ZCWPW2: variants seen among roughly 807,000 people sequenced by gnomAD.
ZCWPW2 encodes the protein zinc finger CW-type and PWWP domain containing 2.
In ZCWPW2, 45 loss-of-function variants were observed where a neutral mutation model predicts 46.6. The observed-to-expected ratio is 0.96, with a 90% CI of 0.76 to 1.24. The LOEUF is 1.24. ZCWPW2 is among the 50% of genes most tolerant of loss of function. The pLI is 0.00. For missense variants in ZCWPW2, 429 were observed against 403.9 expected, an observed-to-expected ratio of 1.06 and a Z score of -0.53; for synonymous variants, 152 against 137.1, an observed-to-expected ratio of 1.11 and a Z score of -0.76.
rs188043026 is a variant in ZCWPW2, at chr3:28,408,591, A to G, written c.-13-4465A>G. Among the ~76,000 whole-genome samples the G allele has an allele frequency of 1.1e-3, 164 of 152,328 alleles. 2 individuals are homozygous for G. The highest frequency in any genetic ancestry group is 1.6e-4 in the Non-Finnish European group (11 of 68,016). On this transcript the variant is annotated intron_variant, in intron 2 of 9. Coordinates refer to ENST00000383768, the MANE Select transcript of ZCWPW2 (RefSeq NM_001040432.4). ...TTGTAAATGAGTAACTGAAAGGCAC[A>G]TTTGTGAAGCCCTCTTAAGTTATGG...
chr3:28,517,327 T>G (rs1431461921), intron 8 of ZCWPW2, among the ~76,000 whole-genome samples: 1 of 152,198 alleles, frequency 6.6e-6, no homozygotes, highest in Non-Finnish European at 1.5e-5. Context: ...AGGTTTTAAT[T>G]GGCTCACAGT....
chr3:28,454,690 T>C (rs558376069), intron 4 of ZCWPW2, among the ~76,000 whole-genome samples: 8 of 152,272 alleles, frequency 5.3e-5, no homozygotes, highest in African/African-American at 1.9e-4. Flanking sequence ...CCCTTGTGTC[T>C]ATTTGGTCTC....
chr3:28,375,920 T>C (rs905235825), intron 1 of ZCWPW2, among the ~76,000 whole-genome samples: 16 of 152,124 alleles, frequency 1.1e-4, no homozygotes, highest in Admixed American at 7.9e-4. Flanking sequence ...GACTTATTTC[T>C]CTTAATAACA....
At chr3:28,377,060 A>G (rs958870512) in intron 1 of ZCWPW2, among the ~76,000 whole-genome samples, 1 of 147,676 alleles carries the variant, frequency 6.8e-6, no homozygotes, top group Non-Finnish European at 1.5e-5. Context: ...TATTGAACTC[A>G]CTGCATGATG....
intron 1 of ZCWPW2, among the ~76,000 whole-genome samples, chr3:28,380,076 G>A (rs558616604): frequency 2.0e-5 from 3 of 151,828 alleles, no homozygotes; most frequent in Non-Finnish European, 4.4e-5. Flanking sequence ...TCCTCCTCCC[G>A]GGTTCACACT....
At position 28,492,162 on chromosome 3, in the gene ZCWPW2, G is replaced by A; in HGVS notation, c.646G>A (p.Val216Ile). The change falls in exon 6 of 10, where the codon GTC becomes ATC. Residue 216 changes from valine (V) to isoleucine (I), a missense_variant. Val to Ile is a conservative substitution (Grantham distance 29). Coordinates refer to ENST00000383768, the MANE Select transcript of ZCWPW2 (RefSeq NM_001040432.4). ...SETHDKVAAL[V>I]KKRKQTSKNN... Reference sequence around the variant, plus strand: ...AACACATGACAAAGTTGCTGCACTGGTCAAGAAAAGGGTAAGATTGTGTTT... The same window carrying A: ...AACACATGACAAAGTTGCTGCACTGATCAAGAAAAGGGTAAGATTGTGTTT... 6.2e-7 allele frequency: 1 copy of A among 1,606,292 alleles called. No individual in the cohort carries two copies. Among genetic ancestry groups the A allele is most frequent in the Non-Finnish European group, 8.5e-7 (1 of 1,176,662 alleles).
At chr3:28,369,481 A>G (rs537109843) in intron 1 of ZCWPW2, among the ~76,000 whole-genome samples, 86 of 152,256 alleles carry the variant, frequency 5.6e-4, no homozygotes, top group African/African-American at 1.9e-3. Flanking sequence ...GATATTGGTG[A>G]ACAGCAAATG....
chr3:28,383,645 T>G (rs1695175352), intron 1 of ZCWPW2, among the ~76,000 whole-genome samples: 1 of 152,072 alleles, frequency 6.6e-6, no homozygotes, highest in African/African-American at 2.4e-5. Context: ...TGGGTGGCCT[T>G]TTTAAGTCAA....
intron 5 of ZCWPW2, among the ~76,000 whole-genome samples, chr3:28,482,267 T>C (rs572928340): frequency 6.6e-6 from 1 of 152,186 alleles, no homozygotes; most frequent in Non-Finnish European, 1.5e-5. Flanking sequence ...CCTTTCAGAT[T>C]GGTTTCTTTC....
chr3:28,370,994 A>C (rs142053403), intron 1 of ZCWPW2, among the ~76,000 whole-genome samples: 3,986 of 152,102 alleles, frequency 0.026, 151 homozygotes, highest in African/African-American at 0.085. Context: ...AGCTTCCCAA[A>C]GTGCTGTGAT....
chr3:28,413,414 A>G lies in ZCWPW2; in HGVS notation c.332+14A>G. The G allele has an allele frequency of 1.3e-6, 2 of 1,581,868 alleles. No individual in the cohort carries two copies. The highest frequency in any genetic ancestry group is 1.7e-6 in the Non-Finnish European group (2 of 1,160,852). ...GAATTGGCCAAGGTAAGGTTTGTGTAGTTTTATGACTTTTGAAATGTAGTC... is the reference window on the plus strand; with the variant it reads ...GAATTGGCCAAGGTAAGGTTTGTGTGGTTTTATGACTTTTGAAATGTAGTC... On this transcript the variant is annotated intron_variant, in intron 3 of 9. Transcript: ENST00000383768.
At chr3:28,490,352 A>G (rs1699764442) in intron 5 of ZCWPW2, among the ~76,000 whole-genome samples, 1 of 152,184 alleles carries the variant, frequency 6.6e-6, no homozygotes, top group African/African-American at 2.4e-5. Flanking sequence ...TCATTCTACC[A>G]TGAAGATACA....
intron 5 of ZCWPW2, among the ~76,000 whole-genome samples, chr3:28,486,727 TA>T (rs1699611964): frequency 6.6e-6 from 1 of 151,894 alleles, no homozygotes; most frequent in Non-Finnish European, 1.5e-5. Context: ...ATTCAAAAAT[TA>T]GCCAGGTATT....
At chr3:28,470,268 G>A (rs972942007) in intron 4 of ZCWPW2, among the ~76,000 whole-genome samples, 7 of 152,160 alleles carry the variant, frequency 4.6e-5, no homozygotes, top group Non-Finnish European at 8.8e-5. Context: ...GCCGAGGCTG[G>A]CAGATCATGA....
At chr3:28,483,641 A>T (rs1220543782) in intron 5 of ZCWPW2, among the ~76,000 whole-genome samples, 2 of 152,104 alleles carry the variant, frequency 1.3e-5, no homozygotes, top group African/African-American at 4.8e-5. Flanking sequence ...AAGTTTATTT[A>T]GTTCTTTTTT....
At chr3:28,514,257 A>G (rs1575227999) in intron 7 of ZCWPW2, 135 bp downstream of exon 7, 4 of 531,924 alleles carry the variant, frequency 7.5e-6, no homozygotes, top group Middle Eastern at 1.3e-3. Context: ...GGGCAATTGC[A>G]TGGATCTGCT....
At chr3:28,353,429 A>T (rs1262325925) in intron 1 of ZCWPW2, among the ~76,000 whole-genome samples, 3 of 152,182 alleles carry the variant, frequency 2.0e-5, no homozygotes, top group Non-Finnish European at 2.9e-5. Context: ...GGAAATATGA[A>T]TTCAAGGAAA....
At chr3:28,512,836 T>C (rs774880856) in intron 6 of ZCWPW2, among the ~76,000 whole-genome samples, 2 of 151,936 alleles carry the variant, frequency 1.3e-5, no homozygotes, top group Non-Finnish European at 2.9e-5. Context: ...CATAGAAACC[T>C]GAAGTTGTTC....
At chr3:28,390,728 T>A in intron 2 of ZCWPW2, 111 bp downstream of exon 2, 1 of 791,536 alleles carries the variant, frequency 1.3e-6, no homozygotes, top group Non-Finnish European at 1.5e-6. Context: ...AAAATTCACC[T>A]GTATAACTTC....
Sources: gnomAD v4.1 joint callset for allele counts (sites outside exome capture counted in the v4.1 genomes callset) on GRCh38, gnomAD v4.1.1 for gene constraint, MANE v1.5 for transcripts, NCBI Gene and HGNC (gene_info 2026-07-23, HGNC 2026-07-21) for gene names.